The following COL13A1 variants were observed in gnomAD, a reference collection of about 807,000 sequenced individuals.
COL13A1 encodes collagen type XIII alpha 1 chain.
Under a neutral mutation model 130.9 loss-of-function variants are expected in COL13A1, and 89 were observed. That is an observed-to-expected ratio of 0.68 (90% CI 0.57 to 0.81). The LOEUF is 0.81. COL13A1 is among the 30% of genes least tolerant of loss of function. The pLI is 0.00. For synonymous variants in COL13A1, 402 were observed against 341.6 expected, an observed-to-expected ratio of 1.18 and a Z score of -1.95; for missense variants, 879 against 934.6, an observed-to-expected ratio of 0.94 and a Z score of 0.78.
intron 7 of COL13A1, among the ~76,000 whole-genome samples, chr10:69,881,539 C>T (rs77237290): frequency 0.012 from 1,836 of 152,142 alleles, 23 homozygotes; most frequent in East Asian, 0.075. Flanking sequence ...AACAGCCAAG[C>T]GAGGGGTTGT....
At chr10:69,866,800 C>G (rs2058562843) in intron 2 of COL13A1, among the ~76,000 whole-genome samples, 1 of 152,130 alleles carries the variant, frequency 6.6e-6, no homozygotes, top group South Asian at 2.1e-4. Flanking sequence ...GAGAAGGAAG[C>G]CGGCTCTGGG....
chr10:69,838,719 C>T (rs1850770445), intron 2 of COL13A1, among the ~76,000 whole-genome samples: 1 of 152,270 alleles, frequency 6.6e-6, no homozygotes, highest in Non-Finnish European at 1.5e-5. Flanking sequence ...CTCCACTAAG[C>T]CCCTGCTGTA....
Position 69,878,371 on chromosome 10 carries a change from C to A in COL13A1, c.462+306C>A, listed in dbSNP as rs1357204929. Among the ~76,000 whole-genome samples the A allele has an allele frequency of 2.0e-5, 3 of 152,186 alleles. No individual in the cohort carries two copies. The East Asian group carries it at 5.8e-4, about 29-fold the overall frequency. ...TCGCTATTTTGTGTAGCTGGAACTG[C>A]CCAGGGGGACCCCCGAGGCTATGGA... On this transcript the variant is annotated intron_variant, in intron 6 of 40. Transcript: ENST00000645393.
At chr10:69,806,596 T>TA (rs1841651685) in intron 1 of COL13A1, among the ~76,000 whole-genome samples, 1 of 152,216 alleles carries the variant, frequency 6.6e-6, no homozygotes, top group South Asian at 2.1e-4. Context: ...AGCTGCCTGT[T>TA]ATTTGATTTG....
Position 69,937,265 on chromosome 10 carries a change from G to T in COL13A1, c.1798-370G>T, listed in dbSNP as rs567285763. 2.6e-5 allele frequency among the ~76,000 whole-genome samples: 4 copies of T among 152,196 alleles called. No individual in the cohort carries two copies. In the South Asian group the frequency reaches 8.3e-4, roughly 32 times the overall value. ...TATTCAAGAGACTTCGGGGCAGTTT[G>T]TTCTCCCGACTAGGCTGTGAGCCTC... On this transcript the variant is annotated intron_variant, in intron 33 of 40. Transcript: ENST00000645393.
intron 5 of COL13A1, chr10:69,877,454 C>T (rs919036682): frequency 2.6e-5 from 4 of 153,078 alleles, no homozygotes; most frequent in Admixed American, 6.5e-5. Context: ...CTTGGCAAAG[C>T]TTTGTTCTTG....
chr10:69,846,431 G>T (rs1309375104), intron 2 of COL13A1, among the ~76,000 whole-genome samples: 2 of 152,124 alleles, frequency 1.3e-5, no homozygotes, highest in Non-Finnish European at 2.9e-5. Context: ...GGCCAGCACT[G>T]CGACAGACGG....
intron 2 of COL13A1, among the ~76,000 whole-genome samples, chr10:69,822,640 A>G (rs904599090): frequency 1.3e-5 from 2 of 152,156 alleles, no homozygotes; most frequent in African/African-American, 4.8e-5. Context: ...CCCACCATTC[A>G]TTTGTTCATA....
chr10:69,828,965 T>C (rs1848160538), intron 2 of COL13A1, among the ~76,000 whole-genome samples: 1 of 152,138 alleles, frequency 6.6e-6, no homozygotes, highest in Admixed American at 6.5e-5. Context: ...CTTTTGTGGG[T>C]TTCCAGCCAG....
At position 69,889,410 on chromosome 10, in the gene COL13A1, C is replaced by T. The variant is rs758264057; in HGVS notation, c.577-4C>T. ...ACCTGGTACTCACCCTCTTCTCCTT[C>T]CAGGGCCACCCAGGACCAAAGGGCG... On this transcript the variant is annotated splice_polypyrimidine_tract_variant and splice_region_variant and intron_variant, in intron 9 of 40. Transcript: ENST00000645393. 5 of 1,610,800 alleles carry T rather than the reference C, an allele frequency of 3.1e-6. No individual in the cohort carries two copies. Among genetic ancestry groups the T allele is most frequent in the African/African-American group, 2.7e-5 (2 of 74,834 alleles).
intron 17 of COL13A1, among the ~76,000 whole-genome samples, chr10:69,915,589 T>C (rs1800332200): frequency 1.3e-5 from 2 of 152,178 alleles, no homozygotes; most frequent in Non-Finnish European, 1.5e-5. Flanking sequence ...TTATAGGGGA[T>C]AGCAAAAAGC....
rs763633326 is a variant in COL13A1, at chr10:69,802,727, C to G, written c.294+10C>G. On this transcript the variant is annotated intron_variant, in intron 1 of 40. Coordinates refer to ENST00000645393, the MANE Select transcript of COL13A1 (RefSeq NM_001368882.1). Reference sequence around the variant, plus strand: ...TCAACTGCTGGACGAGGTCTGTGCTCTTTGTTGCTGGCTTTTATCCCTCCC... The same window carrying G: ...TCAACTGCTGGACGAGGTCTGTGCTGTTTGTTGCTGGCTTTTATCCCTCCC... 5.6e-6 allele frequency: 9 copies of G among 1,609,606 alleles called. No individual in the cohort carries two copies. Among genetic ancestry groups the G allele is most frequent in the Non-Finnish European group, 6.8e-6 (8 of 1,178,236 alleles).
chr10:69,894,374 G>A (rs1368284718), intron 10 of COL13A1, among the ~76,000 whole-genome samples, 178 bp from the exon 11 acceptor site: 1 of 152,208 alleles, frequency 6.6e-6, no homozygotes, highest in African/African-American at 2.4e-5. Flanking sequence ...CCCACTGGGG[G>A]GTGAAGCAGC....
intron 2 of COL13A1, among the ~76,000 whole-genome samples, chr10:69,863,201 G>A (rs896309519): frequency 6.6e-6 from 1 of 152,176 alleles, no homozygotes; most frequent in African/African-American, 2.4e-5. Flanking sequence ...AGCATCCCTG[G>A]CCCGTACCCA....
At chr10:69,879,899 A>G (rs1251763557) in intron 6 of COL13A1, among the ~76,000 whole-genome samples, 1 of 152,104 alleles carries the variant, frequency 6.6e-6, no homozygotes, top group East Asian at 1.9e-4. Flanking sequence ...AGGCAGCTCA[A>G]CCTTTCAGGG....
chr10:69,825,087 G>A (rs970090483), intron 2 of COL13A1, among the ~76,000 whole-genome samples: 1 of 152,190 alleles, frequency 6.6e-6, no homozygotes, highest in Non-Finnish European at 1.5e-5. Context: ...ATAAATAATA[G>A]CAGTTACTGC....
rs570928142 is a variant in COL13A1 at position 69,832,739 on chromosome 10, G to C, written c.364+10301G>C. The stretch of plus-strand genomic sequence containing the variant: ...AGTGTTGGAGGGCCTTGGAACCCCC[G>C]GTTTATGAAGAAAGACTCGCCCTCC... On this transcript the variant is annotated intron_variant, in intron 2 of 40. Coordinates refer to ENST00000645393, the MANE Select transcript of COL13A1 (RefSeq NM_001368882.1). 2.0e-5 allele frequency among the ~76,000 whole-genome samples: 3 copies of C among 152,272 alleles called. No individual in the cohort carries two copies. The South Asian group carries it at 6.2e-4, about 32-fold the overall frequency.
At chr10:69,810,645 G>A (rs1213105046) in intron 1 of COL13A1, among the ~76,000 whole-genome samples, 1 of 152,158 alleles carries the variant, frequency 6.6e-6, no homozygotes, top group Non-Finnish European at 1.5e-5. Context: ...TTTGGGTTGG[G>A]TTCTGCCCCT....
chr10:69,953,490 A>G (rs1456916199), intron 39 of COL13A1, among the ~76,000 whole-genome samples: 2 of 152,194 alleles, frequency 1.3e-5, no homozygotes, highest in Non-Finnish European at 2.9e-5. Context: ...ACAGCCTCCC[A>G]ACACTCACCA....
Sources: gnomAD v4.1 joint callset for allele counts (sites outside exome capture counted in the v4.1 genomes callset) on GRCh38, gnomAD v4.1.1 for gene constraint, MANE v1.5 for transcripts, NCBI Gene and HGNC (gene_info 2026-07-23, HGNC 2026-07-21) for gene names.